Variants in KCNIP4 observed in about 807,000 individuals in gnomAD.
KCNIP4 encodes potassium voltage-gated channel interacting protein 4.
A neutral mutation model predicts 34.0 loss-of-function variants in KCNIP4; 12 were observed. That is an observed-to-expected ratio of 0.35 (90% CI 0.23 to 0.57). KCNIP4 has a LOEUF of 0.57. KCNIP4 is among the 20% of genes least tolerant of loss of function. The pLI, the probability that KCNIP4 is intolerant of heterozygous loss-of-function variation, is 0.83. For synonymous variants in KCNIP4, 124 were observed against 102.2 expected, an observed-to-expected ratio of 1.21 and a Z score of -1.29; for missense variants, 238 against 311.7, an observed-to-expected ratio of 0.76 and a Z score of 1.78.
intron 1 of KCNIP4, among the ~76,000 whole-genome samples, chr4:21,412,979 T>A (rs540349724): frequency 9.5e-4 from 145 of 152,330 alleles, no homozygotes; most frequent in African/African-American, 3.4e-3. Flanking sequence ...GCTTCACTGC[T>A]ATAAGCCAGA....
At chr4:21,380,439 G>GA (rs1721376518) in intron 1 of KCNIP4, among the ~76,000 whole-genome samples, 1 of 82,206 alleles carries the variant, frequency 1.2e-5, no homozygotes, top group African/African-American at 3.9e-5. Flanking sequence ...ATGAGGGAGA[G>GA]GGAGGGAGAG....
intron 3 of KCNIP4, among the ~76,000 whole-genome samples, chr4:20,782,679 A>G (rs977858124): frequency 1.1e-4 from 16 of 151,940 alleles, no homozygotes; most frequent in African/African-American, 3.9e-4. Flanking sequence ...TCCCAACGAA[A>G]CCATTTTTTT....
rs1398112043 is a variant in KCNIP4 at position 21,938,591 on chromosome 4, AACT to A, written c.61+9977_61+9979del. Among the ~76,000 whole-genome samples, 5 of 152,146 alleles carry A rather than the reference AACT, an allele frequency of 3.3e-5. No homozygotes were observed. In the East Asian group the frequency reaches 9.7e-4, roughly 29 times the overall value. The stretch of plus-strand genomic sequence containing the variant: ...GTGTTGTATATACACGATTCTAAAA[AACT>A]ACTATCACTCAATAACAAACCATGT... On this transcript the variant is annotated intron_variant, in intron 1 of 8. Coordinates refer to ENST00000382152, the MANE Select transcript of KCNIP4 (RefSeq NM_025221.6).
At chr4:21,180,717 A>T (rs1754778778) in intron 1 of KCNIP4, among the ~76,000 whole-genome samples, 1 of 150,454 alleles carries the variant, frequency 6.6e-6, no homozygotes, top group Admixed American at 6.7e-5. Flanking sequence ...ATTTGTGTAT[A>T]TATATAGTAT....
chr4:20,949,915 G>A (rs1368567634), intron 1 of KCNIP4, among the ~76,000 whole-genome samples: 5 of 149,786 alleles, frequency 3.3e-5, no homozygotes, highest in African/African-American at 4.9e-5. Flanking sequence ...GCTAGATGAC[G>A]AGTTAGTGGG....
chr4:21,546,338 G>A (rs1204876241), intron 1 of KCNIP4, among the ~76,000 whole-genome samples: 4 of 152,040 alleles, frequency 2.6e-5, no homozygotes, highest in African/African-American at 9.7e-5. Flanking sequence ...TATTGAATGG[G>A]TAGTCTAAAC....
intron 8 of KCNIP4, 21 bp from the exon 9 acceptor site, chr4:20,730,150 G>A (rs1747630037): frequency 1.9e-6 from 3 of 1,594,574 alleles, no homozygotes; most frequent in African/African-American, 1.3e-5. Context: ...GAAACACAGA[G>A]CGATTAAATT....
rs1443356510 is a variant in KCNIP4, at chr4:21,575,746, A to G, written c.61+372825T>C. 3.3e-5 allele frequency among the ~76,000 whole-genome samples: 5 copies of G among 152,208 alleles called. No homozygotes were observed. The South Asian group carries it at 6.2e-4, about 19-fold the overall frequency. On this transcript the variant is annotated intron_variant, in intron 1 of 8. Transcript: ENST00000382152. ...TTTATAACAAACCAAATTTATTTCA[A>G]TAGTTAATTATGGAATAGGTAGACA...
intron 1 of KCNIP4, among the ~76,000 whole-genome samples, chr4:21,350,791 C>A (rs1333356511): frequency 6.6e-6 from 1 of 152,122 alleles, no homozygotes; most frequent in African/African-American, 2.4e-5. Context: ...TGAATTTTTT[C>A]TTTCTCTGTC....
intron 1 of KCNIP4, among the ~76,000 whole-genome samples, chr4:21,128,009 T>C (rs976403579): frequency 3.9e-5 from 6 of 152,242 alleles, no homozygotes; most frequent in African/African-American, 1.4e-4. Flanking sequence ...TCCATCACAT[T>C]TGCCTTGCAT....
At chr4:21,408,433 A>G (rs1405422370) in intron 1 of KCNIP4, among the ~76,000 whole-genome samples, 1 of 152,176 alleles carries the variant, frequency 6.6e-6, no homozygotes, top group Non-Finnish European at 1.5e-5. Flanking sequence ...AAGAGAAGCC[A>G]AGGAAATACA....
In KCNIP4 at chr4:21,939,888, G is replaced by T. The variant is rs375168324; in HGVS notation, c.61+8683C>A. The stretch of plus-strand genomic sequence containing the variant: ...ATGTATAATAATATCCCTAAAATAA[G>T]TGATTCCCAAAATTAAGTTTAAAAA... On this transcript the variant is annotated intron_variant, in intron 1 of 8. Coordinates refer to ENST00000382152, the MANE Select transcript of KCNIP4 (RefSeq NM_025221.6). Among the ~76,000 whole-genome samples, 13 of 152,086 alleles carry T rather than the reference G, an allele frequency of 8.5e-5. No homozygotes were observed. The East Asian group carries it at 1.9e-3, about 23-fold the overall frequency.
intron 1 of KCNIP4, among the ~76,000 whole-genome samples, chr4:21,074,016 A>T (rs1030439840): frequency 1.3e-5 from 2 of 152,066 alleles, no homozygotes; most frequent in Non-Finnish European, 2.9e-5. Flanking sequence ...AAGCTTTTTG[A>T]TGTGCTGCTG....
intron 1 of KCNIP4, among the ~76,000 whole-genome samples, chr4:21,061,307 A>G (rs989941505): frequency 2.0e-5 from 3 of 152,144 alleles, no homozygotes; most frequent in African/African-American, 4.8e-5. Context: ...CATTTATTCA[A>G]TGTGATAAAT....
chr4:21,065,076 TC>T (rs1744232221), intron 1 of KCNIP4, among the ~76,000 whole-genome samples: 2 of 152,322 alleles, frequency 1.3e-5, no homozygotes, highest in South Asian at 4.1e-4. Flanking sequence ...TCATGGGAAC[TC>T]CCCAGCCATT....
At chr4:21,405,534 G>A (rs141851394) in intron 1 of KCNIP4, among the ~76,000 whole-genome samples, 6 of 152,330 alleles carry the variant, frequency 3.9e-5, no homozygotes, top group African/African-American at 1.4e-4. Context: ...ACTGCAGTCT[G>A]TGGATTCCCA....
At chr4:21,285,011 C>T (rs1042674728) in intron 1 of KCNIP4, among the ~76,000 whole-genome samples, 5 of 152,036 alleles carry the variant, frequency 3.3e-5, no homozygotes, top group Non-Finnish European at 7.4e-5. Flanking sequence ...GCCTTTAATG[C>T]CCCACCTTTT....
intron 1 of KCNIP4, among the ~76,000 whole-genome samples, chr4:21,566,140 C>A (rs1739861675): frequency 6.6e-6 from 1 of 152,142 alleles, no homozygotes; most frequent in South Asian, 2.1e-4. Flanking sequence ...CCCTCTGATT[C>A]CACAATCAAG....
intron 1 of KCNIP4, among the ~76,000 whole-genome samples, chr4:21,047,759 A>G (rs1227360614): frequency 6.6e-6 from 1 of 152,250 alleles, no homozygotes; most frequent in Non-Finnish European, 1.5e-5. Context: ...CATGTCTGAT[A>G]GCCTAGAGCA....
Sources: gnomAD v4.1 joint callset for allele counts (sites outside exome capture counted in the v4.1 genomes callset) on GRCh38, gnomAD v4.1.1 for gene constraint, MANE v1.5 for transcripts, NCBI Gene and HGNC (gene_info 2026-07-23, HGNC 2026-07-21) for gene names.